Variants in PSD3 observed in about 807,000 individuals in gnomAD.
PSD3 encodes the protein pleckstrin and Sec7 domain containing 3, also known as PH and SEC7 domain-containing protein 3.
In PSD3, 49 loss-of-function variants were observed where a neutral mutation model predicts 105.5. The ratio of observed to expected loss-of-function variants is 0.46; its 90% CI spans 0.37 to 0.59. The LOEUF is 0.59. Ranked by LOEUF, PSD3 falls within the 20% of genes least tolerant of loss-of-function variation. The pLI, the probability that PSD3 is intolerant of heterozygous loss-of-function variation, is 0.00. For synonymous variants in PSD3, 557 were observed against 457.8 expected (o/e 1.22, Z -2.77); for missense variants, 1,561 against 1,263.8 (o/e 1.24, Z -3.57).
At chr8:18,901,121 C>T in intron 2 of PSD3, among the ~76,000 whole-genome samples, 1 of 152,210 alleles carries the variant, frequency 6.6e-6, no homozygotes, top group South Asian at 2.1e-4. Flanking sequence ...AATGATTAAA[C>T]TAGTATCTAC....
chr8:18,861,968 C>T (rs1816486336), intron 4 of PSD3, among the ~76,000 whole-genome samples: 1 of 152,092 alleles, frequency 6.6e-6, no homozygotes, highest in Admixed American at 6.5e-5. Context: ...TACCACAGTG[C>T]ACTGTGCTTC....
At chr8:18,999,168 A>T (rs919145) in intron 1 of PSD3, among the ~76,000 whole-genome samples, 106,249 of 151,738 alleles carry the variant, frequency 0.7, 38,037 homozygotes, top group East Asian at 0.91. Context: ...CCTTATAATA[A>T]CCCTTTTCAT....
intron 4 of PSD3, among the ~76,000 whole-genome samples, chr8:18,807,955 T>C (rs995197549): frequency 6.6e-6 from 1 of 152,116 alleles, no homozygotes; most frequent in African/African-American, 2.4e-5. Flanking sequence ...GTAAACATTT[T>C]TTTAAAAAGA....
intron 1 of PSD3, among the ~76,000 whole-genome samples, chr8:19,037,632 C>G (rs191886105): frequency 6.6e-6 from 1 of 152,114 alleles, no homozygotes; most frequent in African/African-American, 2.4e-5. Flanking sequence ...CTGAAGAGAA[C>G]AAAAAGGCAA....
chr8:18,685,884 G>A (rs981730184), intron 9 of PSD3, among the ~76,000 whole-genome samples: 4 of 152,200 alleles, frequency 2.6e-5, no homozygotes, highest in South Asian at 4.2e-4. Flanking sequence ...AGACATGAGC[G>A]CCTGCCTCTG....
intron 1 of PSD3, among the ~76,000 whole-genome samples, chr8:18,993,900 A>G (rs1188473621): frequency 6.6e-6 from 1 of 152,044 alleles, no homozygotes; most frequent in African/African-American, 2.4e-5. Flanking sequence ...TGATTATATC[A>G]ATCACTTTTT....
chr8:18,613,305 G>T (rs1805410197), intron 11 of PSD3, among the ~76,000 whole-genome samples: 1 of 152,138 alleles, frequency 6.6e-6, no homozygotes, highest in East Asian at 1.9e-4. Context: ...CACATTGGGA[G>T]GAGGGGGTGG....
At chr8:19,073,670 CATATT>C (rs1336686148) in intron 1 of PSD3, among the ~76,000 whole-genome samples, 17 of 150,416 alleles carry the variant, frequency 1.1e-4, no homozygotes, top group Admixed American at 9.9e-4. Context: ...TGTGAACTGA[CATATT>C]ATAAGAGGGG....
intron 1 of PSD3, among the ~76,000 whole-genome samples, 195 bp from the exon 2 acceptor site, chr8:18,936,337 G>C (rs1363504959): frequency 6.6e-6 from 1 of 152,114 alleles, no homozygotes; most frequent in Non-Finnish European, 1.5e-5. Flanking sequence ...CATGATTATA[G>C]CTATATAAAA....
intron 4 of PSD3, among the ~76,000 whole-genome samples, chr8:18,857,200 T>C (rs1013055719): frequency 6.6e-6 from 1 of 152,190 alleles, no homozygotes; most frequent in Non-Finnish European, 1.5e-5. Flanking sequence ...CACATCCCCC[T>C]GAGAACGGGG....
At position 18,554,903 on chromosome 8, in the gene PSD3, G is replaced by A. The variant is rs531921708; in HGVS notation, c.2928+1306C>T. On this transcript the variant is annotated intron_variant, in intron 15 of 15. Coordinates refer to ENST00000327040, the MANE Select transcript of PSD3 (RefSeq NM_015310.4). ...GATGATGGGAAGAGCATCTTAGGCA[G>A]AGGAAAGTAAGTGAACAAAGGTATA... Among the ~76,000 whole-genome samples the A allele has an allele frequency of 2.0e-5, 3 of 152,278 alleles. No homozygotes were observed. The South Asian group carries it at 6.2e-4, about 32-fold the overall frequency.
rs1164233220 is a variant in PSD3, at chr8:18,650,386, T to C, written c.2216+5256A>G. Among the ~76,000 whole-genome samples, 13 of 152,240 alleles carry C rather than the reference T, an allele frequency of 8.5e-5. 1 individual carries two copies. In the East Asian group the frequency reaches 1.9e-3, roughly 23 times the overall value. ...CTCAATGCCTTATATAGTTTTGTTC[T>C]CCCCAAATTATCAGCAGGCTGCATG... On this transcript the variant is annotated intron_variant, in intron 10 of 15. Transcript: ENST00000327040.
intron 1 of PSD3, among the ~76,000 whole-genome samples, chr8:19,083,844 G>A (rs908265611): frequency 6.6e-6 from 1 of 152,224 alleles, no homozygotes; most frequent in African/African-American, 2.4e-5. Flanking sequence ...GTAAGGGGAT[G>A]TGAGAAAATG....
At chr8:18,589,993 T>C (rs1177993290) in intron 12 of PSD3, among the ~76,000 whole-genome samples, 1 of 152,176 alleles carries the variant, frequency 6.6e-6, no homozygotes, top group Non-Finnish European at 1.5e-5. Flanking sequence ...TCTTGGAATC[T>C]GTTGAACATT....
At chr8:18,631,689 C>G (rs868067002) in intron 11 of PSD3, among the ~76,000 whole-genome samples, 14 of 151,734 alleles carry the variant, frequency 9.2e-5, no homozygotes, top group African/African-American at 2.7e-4. Context: ...ATATAAGGTG[C>G]ACAGAAGATA....
At chr8:18,877,102 A>G (rs190723012) in intron 2 of PSD3, among the ~76,000 whole-genome samples, 1 of 152,308 alleles carries the variant, frequency 6.6e-6, no homozygotes, top group Admixed American at 6.5e-5. Context: ...GTTTTCTACC[A>G]TTCTGTGAGT....
chr8:18,667,666 C>CGCCGTGTGCCT (rs1799550459), intron 9 of PSD3, among the ~76,000 whole-genome samples: 1 of 152,256 alleles, frequency 6.6e-6, no homozygotes, highest in African/African-American at 2.4e-5. Flanking sequence ...CCGCCAGTCC[C>CGCCGTGTGCCT]GCCGTGTGCC....
intron 1 of PSD3, among the ~76,000 whole-genome samples, chr8:18,939,030 G>A (rs199978124): frequency 7.0e-6 from 1 of 143,710 alleles, no homozygotes; most frequent in Non-Finnish European, 1.5e-5. Context: ...ACATCAGAAA[G>A]AACATTTTTA....
chr8:18,750,240 C>T (rs1003000277), intron 9 of PSD3, among the ~76,000 whole-genome samples: 14 of 152,182 alleles, frequency 9.2e-5, no homozygotes, highest in South Asian at 2.1e-4. Context: ...CGGACCCTCG[C>T]GGTGAGTGCT....
Sources: allele counts gnomAD v4.1 joint callset (sites outside exome capture counted in the v4.1 genomes callset), GRCh38; gene constraint gnomAD v4.1.1; transcripts MANE v1.5; gene names NCBI Gene and HGNC (gene_info 2026-07-23, HGNC 2026-07-21).